Variants in SPAG6 observed in about 807,000 individuals in gnomAD.
SPAG6 encodes the protein sperm-associated antigen 6.
In SPAG6, 49 loss-of-function variants were observed where a neutral mutation model predicts 58.5. The observed-to-expected ratio is 0.84, with a 90% confidence interval of 0.67 to 1.06. SPAG6 has a LOEUF of 1.06. SPAG6 is among the 50% of genes least tolerant of loss of function. The pLI is 0.00. For synonymous variants in SPAG6, 233 were observed against 225.6 expected, an observed-to-expected ratio of 1.03 and a Z score of -0.29; for missense variants, 560 against 611.3, an observed-to-expected ratio of 0.92 and a Z score of 0.89.
chr10:22,405,169 C>G (rs1413803211), intron 9 of SPAG6, among the ~76,000 whole-genome samples: 2 of 152,164 alleles, frequency 1.3e-5, no homozygotes, highest in Middle Eastern at 3.4e-3. Context: ...ACTTCCAACA[C>G]AATGTTGAAT....
intron 8 of SPAG6, among the ~76,000 whole-genome samples, chr10:22,395,691 G>T (rs1225822921): frequency 2.0e-5 from 3 of 152,032 alleles, no homozygotes; most frequent in Admixed American, 2.0e-4. Flanking sequence ...TTATTTTCTT[G>T]ATGATATTGT....
intron 2 of SPAG6, among the ~76,000 whole-genome samples, chr10:22,346,902 A>G (rs1836574870): frequency 6.6e-6 from 1 of 152,214 alleles, no homozygotes; most frequent in South Asian, 2.1e-4. Context: ...AAGGGATAAT[A>G]CAGAGAGATC....
intron 10 of SPAG6, among the ~76,000 whole-genome samples, chr10:22,413,830 C>G (rs1055222204): frequency 6.6e-6 from 1 of 151,930 alleles, no homozygotes; most frequent in African/African-American, 2.4e-5. Context: ...CAAATATAAT[C>G]TCAAAATAGT....
chr10:22,365,985 A>G lies in SPAG6; in HGVS notation c.288+966A>G, dbSNP rs1411404059. Among the ~76,000 whole-genome samples the G allele has an allele frequency of 2.6e-5, 4 of 152,312 alleles. No individual in the cohort carries two copies. The East Asian group carries it at 7.7e-4, about 29-fold the overall frequency. On this transcript the variant is annotated intron_variant, in intron 3 of 10. Transcript: ENST00000376624. ...GCTGGTAGGAATGTAAAATGGGGGA[A>G]ACCACTGTGAGAACACTTTGGCAGG...
intron 8 of SPAG6, among the ~76,000 whole-genome samples, chr10:22,398,270 T>C (rs1834339801): frequency 6.6e-6 from 1 of 152,242 alleles, no homozygotes; most frequent in African/African-American, 2.4e-5. Flanking sequence ...TAGATCTAAA[T>C]ATAAGTGTTA....
In SPAG6 at chr10:22,345,959, G is replaced by A; in HGVS notation, c.121+141G>A. On this transcript the variant is annotated intron_variant, in intron 2 of 10. Coordinates refer to ENST00000376624, the MANE Select transcript of SPAG6 (RefSeq NM_012443.4). This position sits in a 1 kb window ranked among gnomAD's most constrained non-coding sequence, Gnocchi z 6.3. ...CAAAAGCATCCATTCTTTTCAGCGG[G>A]TCTTTGGGGGTCAGGCCGAGAGGGT... is the stretch of plus-strand genomic sequence containing the variant. 1.3e-6 allele frequency: 2 copies of A among 1,552,000 alleles called. No homozygotes were observed. The highest frequency in any genetic ancestry group is 1.7e-6 in the Non-Finnish European group (2 of 1,147,962).
rs368817104 is a variant in SPAG6 at position 22,345,713 on chromosome 10, T to C, written c.26-10T>C. The stretch of plus-strand genomic sequence containing the variant: ...GGTGCGGTGGGCTCCACCGACTCTC[T>C]CTCCCGCAGTGTTCGAGCAATACCA... On this transcript the variant is annotated splice_polypyrimidine_tract_variant and intron_variant, in intron 1 of 10. Transcript: ENST00000376624. The surrounding 1 kb of genome is among the most constrained non-coding windows in gnomAD (Gnocchi z 6.3). 170 of 1,608,656 alleles carry C rather than the reference T, an allele frequency of 1.1e-4. 1 individual carries two copies. The African/African-American group carries it at 2.0e-3, about 19-fold the overall frequency.
intron 2 of SPAG6, 66 bp from the exon 3 acceptor site, chr10:22,364,787 C>T: frequency 8.1e-7 from 1 of 1,236,466 alleles, no homozygotes; most frequent in Non-Finnish European, 1.2e-6. Context: ...TGCATATATA[C>T]TGAATTGTAT....
intron 2 of SPAG6, among the ~76,000 whole-genome samples, chr10:22,362,095 T>C (rs936758195): frequency 2.1e-5 from 3 of 146,004 alleles, no homozygotes; most frequent in Non-Finnish European, 3.0e-5. Flanking sequence ...TTATTTTATA[T>C]ATTCGATGTA....
At chr10:22,409,580 G>T (rs377212701) in intron 9 of SPAG6, among the ~76,000 whole-genome samples, 2 of 152,130 alleles carry the variant, frequency 1.3e-5, no homozygotes, top group Non-Finnish European at 2.9e-5. Flanking sequence ...TTAAAAGAAG[G>T]AATGAGTGAA....
chr10:22,385,463 C>A (rs574714759), intron 4 of SPAG6, among the ~76,000 whole-genome samples: 1 of 152,234 alleles, frequency 6.6e-6, no homozygotes, highest in African/African-American at 2.4e-5. Flanking sequence ...GCTTTTACAC[C>A]AAATTTTAAA....
chr10:22,369,428 G>T (rs1588646037), intron 4 of SPAG6, among the ~76,000 whole-genome samples: 1 of 152,158 alleles, frequency 6.6e-6, no homozygotes, highest in African/African-American at 2.4e-5. Flanking sequence ...ATGTAAAAAT[G>T]ATCAACTTTG....
rs1210166775 is a variant in SPAG6 at position 22,345,684 on chromosome 10, C to G, written c.26-39C>G. On this transcript the variant is annotated intron_variant, in intron 1 of 10. Transcript: ENST00000376624. The surrounding 1 kb of genome is among the most constrained non-coding windows in gnomAD (Gnocchi z 6.3). ...CCCTAACTAGCTGGCGCCGAGGAGA[C>G]CCGGGTGCGGTGGGCTCCACCGACT... 1.9e-6 allele frequency: 3 copies of G among 1,589,768 alleles called. No individual in the cohort carries two copies. In the African/African-American group the frequency reaches 4.1e-5, roughly 21 times the overall value.
At chr10:22,354,374 C>G (rs910719621) in intron 2 of SPAG6, among the ~76,000 whole-genome samples, 4 of 152,116 alleles carry the variant, frequency 2.6e-5, no homozygotes, top group African/African-American at 7.2e-5. Flanking sequence ...CACCATTCAT[C>G]TGTAGAGAAA....
intron 2 of SPAG6, 34 bp from the exon 3 acceptor site, chr10:22,364,819 T>A (rs1188644535): frequency 6.5e-7 from 1 of 1,548,666 alleles, no homozygotes; most frequent in South Asian, 1.2e-5. Flanking sequence ...AATTTAAATT[T>A]TCCTGATTTC....
At chr10:22,409,307 A>G (rs1193956493) in intron 9 of SPAG6, among the ~76,000 whole-genome samples, 3 of 152,270 alleles carry the variant, frequency 2.0e-5, no homozygotes, top group Admixed American at 6.5e-5. Context: ...CAATATATTT[A>G]TAGAATATTA....
intron 8 of SPAG6, among the ~76,000 whole-genome samples, chr10:22,398,611 C>T (rs181461025): frequency 6.6e-6 from 1 of 152,234 alleles, no homozygotes; most frequent in African/African-American, 2.4e-5. Context: ...TCCCTGTAGT[C>T]CTAGCTATTT....
intron 10 of SPAG6, among the ~76,000 whole-genome samples, chr10:22,414,591 T>C (rs1245043697): frequency 1.9e-4 from 29 of 152,304 alleles, no homozygotes; most frequent in South Asian, 2.1e-4. Flanking sequence ...AAGGGCTACA[T>C]GTGGCTACTG....
intron 4 of SPAG6, among the ~76,000 whole-genome samples, chr10:22,369,616 T>G (rs1262269186): frequency 6.6e-6 from 1 of 152,154 alleles, no homozygotes; most frequent in East Asian, 1.9e-4. Context: ...CTGTGTGACC[T>G]CGGACATGGC....
Sources: gnomAD v4.1 joint callset for allele counts (sites outside exome capture counted in the v4.1 genomes callset) on GRCh38, gnomAD v4.1.1 for gene constraint, Gnocchi (gnomAD v3.1) non-coding constraint, MANE v1.5 for transcripts, NCBI Gene and HGNC (gene_info 2026-07-23, HGNC 2026-07-21) for gene names.